The following NELL1 variants were observed in gnomAD, a reference collection of about 807,000 sequenced individuals.
NELL1 encodes protein kinase C-binding protein NELL1.
Under a neutral mutation model 107.4 loss-of-function variants are expected in NELL1, and 76 were observed. That is an observed-to-expected ratio of 0.71 (90% confidence interval 0.59 to 0.86). NELL1 has a LOEUF of 0.86. Among genes scored for constraint, NELL1 ranks in the 40% least tolerant of loss-of-function variants. NELL1 has a pLI of 0.00. For missense variants in NELL1, 1,024 were observed against 1,005.5 expected, an observed-to-expected ratio of 1.02 and a Z score of -0.25; for synonymous variants, 353 against 341.2, an observed-to-expected ratio of 1.03 and a Z score of -0.38.
intron 15 of NELL1, among the ~76,000 whole-genome samples, chr11:21,428,981 G>A (rs1852902468): frequency 6.6e-6 from 1 of 152,110 alleles, no homozygotes; most frequent in South Asian, 2.1e-4. Context: ...TGGCCTGATA[G>A]CCACTTTCCT....
chr11:21,031,967 C>T (rs1357824901), intron 12 of NELL1, among the ~76,000 whole-genome samples: 3 of 151,658 alleles, frequency 2.0e-5, no homozygotes, highest in Admixed American at 1.3e-4. Flanking sequence ...ATCGCTTGAA[C>T]CTGGGAGGCG....
At chr11:20,755,847 C>A (rs1856266699) in intron 2 of NELL1, among the ~76,000 whole-genome samples, 1 of 147,492 alleles carries the variant, frequency 6.8e-6, no homozygotes, top group Non-Finnish European at 1.5e-5. Context: ...TGAGCCACCA[C>A]GCCCAGCCAG....
chr11:20,784,763 C>T (rs974101580), intron 3 of NELL1, among the ~76,000 whole-genome samples: 1 of 152,132 alleles, frequency 6.6e-6, no homozygotes, highest in African/African-American at 2.4e-5. Context: ...ATTTATGAAG[C>T]ACCTACTCTG....
At position 21,025,134 on chromosome 11, in the gene NELL1, C is replaced by T. The variant is rs1852785553; in HGVS notation, c.1300+64574C>T. Among the ~76,000 whole-genome samples, 3 of 152,168 alleles carry T rather than the reference C, an allele frequency of 2.0e-5. No homozygotes were observed. In the East Asian group the frequency reaches 5.8e-4, roughly 29 times the overall value. ...TATTGTTGGTTAGGTTGTTATCCTTCTGAGGTAGAATCCGCTTCCCTGTAC... is the reference window on the plus strand; with the variant it reads ...TATTGTTGGTTAGGTTGTTATCCTTTTGAGGTAGAATCCGCTTCCCTGTAC... On this transcript the variant is annotated intron_variant, in intron 12 of 19. Coordinates refer to ENST00000357134, the MANE Select transcript of NELL1 (RefSeq NM_006157.5).
At chr11:21,530,206 C>CT (rs1855959154) in intron 15 of NELL1, among the ~76,000 whole-genome samples, 1 of 152,158 alleles carries the variant, frequency 6.6e-6, no homozygotes, top group African/African-American at 2.4e-5. Flanking sequence ...AAGGTATAAT[C>CT]TATCCACAAC....
chr11:21,100,875 C>G (rs1854789018), intron 12 of NELL1, among the ~76,000 whole-genome samples: 2 of 151,816 alleles, frequency 1.3e-5, no homozygotes, highest in African/African-American at 4.8e-5. Flanking sequence ...TTTTAGAGTA[C>G]ATGTGCACAA....
chr11:20,749,834 T>C (rs1856093210), intron 2 of NELL1, among the ~76,000 whole-genome samples: 1 of 152,220 alleles, frequency 6.6e-6, no homozygotes. Context: ...ACTATACTTT[T>C]TGTATTTGCT....
intron 15 of NELL1, among the ~76,000 whole-genome samples, chr11:21,457,480 C>T (rs1031067200): frequency 1.3e-5 from 2 of 152,110 alleles, no homozygotes; most frequent in Admixed American, 1.3e-4. Flanking sequence ...GAGGTAAATG[C>T]ATTACTTCTA....
chr11:21,446,938 C>T (rs1853446782), intron 15 of NELL1, among the ~76,000 whole-genome samples: 1 of 152,190 alleles, frequency 6.6e-6, no homozygotes, highest in African/African-American at 2.4e-5. Flanking sequence ...CCCCAGAATT[C>T]TACTTGTTGC....
chr11:21,384,217 ATTGAAACCTAAGTTATATC>A, intron 15 of NELL1, among the ~76,000 whole-genome samples: 1 of 152,078 alleles, frequency 6.6e-6, no homozygotes, highest in Middle Eastern at 3.4e-3. Context: ...AGGGGACATT[ATTGAAACCTAAGTTATATC>A]TTGTCATTCC....
In NELL1 at chr11:21,389,144, T is replaced by C. The variant is rs564312048; in HGVS notation, c.1645+18196T>C. Among the ~76,000 whole-genome samples, 15 of 151,948 alleles carry C rather than the reference T, an allele frequency of 9.9e-5. No homozygotes were observed. The South Asian group carries it at 3.1e-3, about 32-fold the overall frequency. ...TCAGATGGGTCTGTGCCAGCCACCA[T>C]TGTAGTACTTAAATGGATTATAGGA... is the stretch of plus-strand genomic sequence containing the variant. On this transcript the variant is annotated intron_variant, in intron 15 of 19. Coordinates refer to ENST00000357134, the MANE Select transcript of NELL1 (RefSeq NM_006157.5).
At chr11:20,710,984 T>G (rs1448380779) in intron 2 of NELL1, among the ~76,000 whole-genome samples, 3 of 152,066 alleles carry the variant, frequency 2.0e-5, no homozygotes, top group African/African-American at 7.2e-5. Flanking sequence ...CAGCTTTTTG[T>G]TTTATTTATT....
At chr11:21,421,964 T>G (rs1852684342) in intron 15 of NELL1, among the ~76,000 whole-genome samples, 1 of 152,140 alleles carries the variant, frequency 6.6e-6, no homozygotes, top group African/African-American at 2.4e-5. Context: ...ACCAAAACTT[T>G]GGAGGCCATT....
rs189929416 is a variant in NELL1, at chr11:21,426,955, G to A, written c.1645+56007G>A. Among the ~76,000 whole-genome samples the A allele has an allele frequency of 4.4e-3, 666 of 152,244 alleles. 5 individuals are homozygous for A. The highest frequency in any genetic ancestry group is 8.1e-3 in the Admixed American group (124 of 15,280). ...ATTGCAAGCACAGAAGGCTTCAGGAGTGGAACTATGAAGACGAAGCCTCTA... is the reference window on the plus strand; with the variant it reads ...ATTGCAAGCACAGAAGGCTTCAGGAATGGAACTATGAAGACGAAGCCTCTA... On this transcript the variant is annotated intron_variant, in intron 15 of 19. Transcript: ENST00000357134.
intron 14 of NELL1, among the ~76,000 whole-genome samples, chr11:21,286,449 A>G (rs1481835787): frequency 6.6e-6 from 1 of 152,206 alleles, no homozygotes; most frequent in East Asian, 1.9e-4. Flanking sequence ...CAAGTGGAGC[A>G]AGGGGCGGAT....
intron 4 of NELL1, among the ~76,000 whole-genome samples, chr11:20,862,265 C>G (rs564532762): frequency 1.3e-5 from 2 of 150,870 alleles, no homozygotes; most frequent in Non-Finnish European, 3.0e-5. Flanking sequence ...GAAGCTAATA[C>G]CAGTATCTGG....
intron 13 of NELL1, among the ~76,000 whole-genome samples, chr11:21,214,884 C>A (rs1224479157): frequency 2.0e-5 from 3 of 152,178 alleles, no homozygotes; most frequent in Admixed American, 2.0e-4. Flanking sequence ...TTGCATAGAA[C>A]TATACACATA....
At chr11:21,396,119 A>G (rs1421494054) in intron 15 of NELL1, among the ~76,000 whole-genome samples, 2 of 151,496 alleles carry the variant, frequency 1.3e-5, no homozygotes, top group South Asian at 2.1e-4. Flanking sequence ...CCTTGTCATC[A>G]AAGCATCAAT....
At chr11:21,150,329 T>TGGCAGGGG (rs1191677918) in intron 13 of NELL1, among the ~76,000 whole-genome samples, 1 of 152,220 alleles carries the variant, frequency 6.6e-6, no homozygotes, top group African/African-American at 2.4e-5. Flanking sequence ...CTTCACAGAC[T>TGGCAGGGG]GGCAGGGGGG....
Sources: gnomAD v4.1 joint callset for allele counts (sites outside exome capture counted in the v4.1 genomes callset) on GRCh38, gnomAD v4.1.1 for gene constraint, MANE v1.5 for transcripts, NCBI Gene and HGNC (gene_info 2026-07-23, HGNC 2026-07-21) for gene names.